The following PRND variants were observed in gnomAD, a reference collection of about 807,000 sequenced individuals.
PRND encodes the protein prion like protein doppel, also known as prion-like protein doppel.
For synonymous variants in PRND, 94 were observed against 93.2 expected, an observed-to-expected ratio of 1.01 and a Z score of -0.05; for missense variants, 227 against 223.3, an observed-to-expected ratio of 1.02 and a Z score of -0.11.
In PRND at chr20:4,726,197, T is replaced by A. The variant is rs960475507; in HGVS notation, c.*1115T>A. 6 of 162,056 alleles carry A rather than the reference T, an allele frequency of 3.7e-5. 1 individual carries two copies. Among genetic ancestry groups the A allele is most frequent in the Non-Finnish European group, 8.9e-5 (6 of 67,728 alleles). 10.0% of individuals were successfully genotyped at this position (162,056 alleles called of 1,614,324 possible). The stretch of plus-strand genomic sequence containing the variant: ...CTTGCTGTTCCCATCCCTGAAACAT[T>A]GCATGTATTTAAGAAAAACAAAATG... On this transcript the variant is annotated 3_prime_UTR_variant, in exon 2 of 2. Coordinates refer to ENST00000305817, the MANE Select transcript of PRND (RefSeq NM_012409.4).
chr20:4,725,084 C>T lies in PRND; in HGVS notation c.*2C>T. The T allele has an allele frequency of 1.2e-6, 2 of 1,612,466 alleles. No individual in the cohort carries two copies. The highest frequency in any genetic ancestry group is 1.3e-5 in the African/African-American group (1 of 74,974). On this transcript the variant is annotated 3_prime_UTR_variant, in exon 2 of 2. Transcript: ENST00000305817. ...TTGATCTGGCTCACGGTGAAATAAG[C>T]TTGCCAGGAGGCTGGCAGTACAGAG... is the stretch of plus-strand genomic sequence containing the variant.
chr20:4,723,938 A>ATGTGTG (rs78289429), intron 1 of PRND, among the ~76,000 whole-genome samples: 114 of 146,208 alleles, frequency 7.8e-4, no homozygotes, highest in East Asian at 4.3e-3. Flanking sequence ...TCTCTAAAAT[A>ATGTGTG]TGTGTGTGTG....
chr20:4,723,324 A>G (rs1445400285), intron 1 of PRND, among the ~76,000 whole-genome samples: 2 of 152,210 alleles, frequency 1.3e-5, no homozygotes, highest in Non-Finnish European at 2.9e-5. Context: ...TCTATGTGAG[A>G]ATTAAGTTAG....
chr20:4,724,039 TA>T lies in PRND; in HGVS notation c.-11-501del, dbSNP rs1314075437. Among the ~76,000 whole-genome samples the T allele has an allele frequency of 9.4e-6, 1 of 105,984 alleles. No individual in the cohort carries two copies. The allele number at this position is 105,984 out of a possible 152,430, so 69.5% of individuals were successfully genotyped here. ...GTGTATATATACATATATGTGTGTA[TA>T]TATGTATATATGTGTGTGTATATAC... On this transcript the variant is annotated intron_variant, in intron 1 of 1. Transcript: ENST00000305817. The surrounding 1 kb of genome is among the most constrained non-coding windows in gnomAD (Gnocchi z 4.8).
intron 1 of PRND, among the ~76,000 whole-genome samples, chr20:4,724,000 G>A (rs9679830): frequency 0.52 from 74,851 of 142,730 alleles, 19,394 homozygotes; most frequent in African/African-American, 0.64. Context: ...GTACATATAC[G>A]TATATATATA....
At chr20:4,723,160 G>T (rs1054603487) in intron 1 of PRND, among the ~76,000 whole-genome samples, 1 of 152,214 alleles carries the variant, frequency 6.6e-6, no homozygotes, top group Non-Finnish European at 1.5e-5. Context: ...ACCCAGATGG[G>T]CAGTGGGGCA....
chr20:4,723,974 GTA>G (rs1491347260), intron 1 of PRND, among the ~76,000 whole-genome samples: 4 of 145,556 alleles, frequency 2.7e-5, no homozygotes, highest in South Asian at 2.2e-4. Flanking sequence ...GTGTGTGTGT[GTA>G]TGTGTGTGTG....
Position 4,726,656 on chromosome 20 carries a change from C to T in PRND, c.*1574C>T, listed in dbSNP as rs1923279039. The T allele has an allele frequency of 6.0e-6, 1 of 167,128 alleles. No homozygotes were observed. The highest frequency in any genetic ancestry group is 2.4e-5 in the African/African-American group (1 of 41,468). 10.4% of individuals were successfully genotyped at this position (167,128 alleles called of 1,614,324 possible). Reference sequence around the variant, plus strand: ...GTTGTTGAACTATATTTGGAGAAAACAGCCACTGAATATTATCATTTCTCC... The same window carrying T: ...GTTGTTGAACTATATTTGGAGAAAATAGCCACTGAATATTATCATTTCTCC... On this transcript the variant is annotated 3_prime_UTR_variant, in exon 2 of 2. Coordinates refer to ENST00000305817, the MANE Select transcript of PRND (RefSeq NM_012409.4).
At position 4,725,200 on chromosome 20, in the gene PRND, C is replaced by T. The variant is rs574937254; in HGVS notation, c.*118C>T. The T allele has an allele frequency of 2.0e-5, 26 of 1,314,906 alleles. No homozygotes were observed. Among genetic ancestry groups the T allele is most frequent in the South Asian group, 1.8e-4 (13 of 73,412 alleles). The allele number at this position is 1,314,906 out of a possible 1,614,324, so 81.5% of individuals were successfully genotyped here. ...AGGTGCCCAGGAGCGGCGATGCACT[C>T]GCACTGCAAATGCCGCTCTCACGTA... On this transcript the variant is annotated 3_prime_UTR_variant, in exon 2 of 2. Coordinates refer to ENST00000305817, the MANE Select transcript of PRND (RefSeq NM_012409.4).
At position 4,725,155 on chromosome 20, in the gene PRND, C is replaced by G; in HGVS notation, c.*73C>G. The G allele has an allele frequency of 1.9e-6, 3 of 1,544,786 alleles. No individual in the cohort carries two copies. Among genetic ancestry groups the G allele is most frequent in the Non-Finnish European group, 2.6e-6 (3 of 1,141,788 alleles). ...GGCAAGTGACCCAGCTCTTCTCCCC[C>G]AAACCCACGCGTGTTCTGAAGGTGC... On this transcript the variant is annotated 3_prime_UTR_variant, in exon 2 of 2. Transcript: ENST00000305817.
At position 4,725,010 on chromosome 20, in the gene PRND, A is replaced by G. The variant is rs562797928; in HGVS notation, c.459A>G (p.Ala153=). 47 of 1,613,628 alleles carry G rather than the reference A, an allele frequency of 2.9e-5. No homozygotes were observed. The South Asian group carries it at 3.6e-4, about 12-fold the overall frequency. ...KHCEFWLERG[A]GLRVTMHQPV... Reference sequence around the variant, plus strand: ...GCGAGTTTTGGTTGGAGAGGGGCGCAGGACTTCGGGTCACCATGCACCAGC... The same window carrying G: ...GCGAGTTTTGGTTGGAGAGGGGCGCGGGACTTCGGGTCACCATGCACCAGC... Residue 153 remains alanine, a synonymous_variant, in exon 2 of 2, where the codon GCA becomes GCG. Coordinates refer to ENST00000305817, the MANE Select transcript of PRND (RefSeq NM_012409.4).
rs148228345 is a variant in PRND, at chr20:4,724,661, G to A, written c.110G>A (p.Arg37Gln). Residue 37 changes from arginine (R) to glutamine (Q), a missense_variant, in exon 2 of 2, where the codon CGG (arginine) becomes CAG (glutamine). Transcript: ENST00000305817. This position sits in a 1 kb window ranked among gnomAD's most constrained non-coding sequence, Gnocchi z 4.8. Reference sequence around the variant, plus strand: ...ATCAAGCACAGAATCAAGTGGAACCGGAAGGCCCTGCCCAGCACTGCCCAG... The same window carrying A: ...ATCAAGCACAGAATCAAGTGGAACCAGAAGGCCCTGCCCAGCACTGCCCAG... ...RGIKHRIKWN[R>Q]KALPSTAQIT... 122 of 1,614,164 alleles carry A rather than the reference G, an allele frequency of 7.6e-5. No homozygotes were observed. The highest frequency in any genetic ancestry group is 1.7e-4 in the Admixed American group (10 of 60,030).
In PRND at chr20:4,727,512, T is replaced by C. The variant is rs1411166500; in HGVS notation, c.*2430T>C. ...GGATATCGTCATTTTGCAGTGTGCA[T>C]AATTTTGCCAACCGTTGCTTTCGTA... On this transcript the variant is annotated 3_prime_UTR_variant, in exon 2 of 2. Transcript: ENST00000305817. 4.2e-5 allele frequency: 7 copies of C among 167,112 alleles called. No individual in the cohort carries two copies. The East Asian group carries it at 1.3e-3, about 32-fold the overall frequency. 10.4% of individuals were successfully genotyped at this position (167,112 alleles called of 1,614,324 possible).
chr20:4,724,719 G>A lies in PRND; in HGVS notation c.168G>A (p.Pro56=), dbSNP rs752823106. Residue 56 remains proline (P), a synonymous_variant, in exon 2 of 2, where the codon CCG becomes CCA. Coordinates refer to ENST00000305817, the MANE Select transcript of PRND (RefSeq NM_012409.4). This position sits in a 1 kb window ranked among gnomAD's most constrained non-coding sequence, Gnocchi z 4.8. ...ITEAQVAENR[P]GAFIKQGRKL... ...AGGCCCAGGTGGCTGAGAACCGCCCGGGAGCCTTCATCAAGCAAGGCCGCA... is the reference window on the plus strand; with the variant it reads ...AGGCCCAGGTGGCTGAGAACCGCCCAGGAGCCTTCATCAAGCAAGGCCGCA... The A allele has an allele frequency of 5.6e-6, 9 of 1,614,068 alleles. No homozygotes were observed. Among genetic ancestry groups the A allele is most frequent in the Admixed American group, 1.7e-5 (1 of 60,004 alleles).
intron 1 of PRND, among the ~76,000 whole-genome samples, chr20:4,723,938 A>G (rs1328776464): frequency 1.4e-5 from 2 of 146,212 alleles, no homozygotes; most frequent in East Asian, 2.0e-4. Flanking sequence ...TCTCTAAAAT[A>G]TGTGTGTGTG....
Position 4,724,557 on chromosome 20 carries a change from G to A in PRND, c.6G>A (p.Arg2=). Residue 2 remains arginine, a synonymous_variant, in exon 2 of 2, where the codon AGG becomes AGA. Coordinates refer to ENST00000305817, the MANE Select transcript of PRND (RefSeq NM_012409.4). The surrounding 1 kb of genome is among the most constrained non-coding windows in gnomAD (Gnocchi z 4.8). M[R]KHLSWWWLAT... The stretch of plus-strand genomic sequence containing the variant: ...CTCTGGCAGGTTCTGACGCGATGAG[G>A]AAGCACCTGAGCTGGTGGTGGCTGG... 6.2e-7 allele frequency: 1 copy of A among 1,613,986 alleles called. No homozygotes were observed. The highest frequency in any genetic ancestry group is 8.5e-7 in the Non-Finnish European group (1 of 1,180,046).
chr20:4,723,769 C>T (rs1159293272), intron 1 of PRND, among the ~76,000 whole-genome samples: 2 of 152,072 alleles, frequency 1.3e-5, no homozygotes, highest in South Asian at 4.2e-4. Flanking sequence ...GTTTCTACAA[C>T]ATGTATTTAA....
rs767905029 is a variant in PRND, at chr20:4,724,512, G to C, written c.-11-29G>C. ...GGGGAGCCCAGGCAGGCCTGGTGGG[G>C]AGCTGACCCACCGCCGTTTCTCTGG... On this transcript the variant is annotated intron_variant, in intron 1 of 1. Coordinates refer to ENST00000305817, the MANE Select transcript of PRND (RefSeq NM_012409.4). The surrounding 1 kb of genome is among the most constrained non-coding windows in gnomAD (Gnocchi z 4.8). 1 of 1,612,990 alleles carries C rather than the reference G, an allele frequency of 6.2e-7. No homozygotes were observed. The highest frequency in any genetic ancestry group is 1.3e-5 in the African/African-American group (1 of 74,932).
rs986344037 is a variant in PRND, at chr20:4,724,428, C to T, written c.-11-113C>T. 7 of 1,362,776 alleles carry T rather than the reference C, an allele frequency of 5.1e-6. No homozygotes were observed. The African/African-American group carries it at 1.0e-4, about 19-fold the overall frequency. The allele number at this position is 1,362,776 out of a possible 1,614,324, so 84.4% of individuals were successfully genotyped here. On this transcript the variant is annotated intron_variant, in intron 1 of 1. Coordinates refer to ENST00000305817, the MANE Select transcript of PRND (RefSeq NM_012409.4). The surrounding 1 kb of genome is among the most constrained non-coding windows in gnomAD (Gnocchi z 4.8). ...GGAAACAATTATGCTTTTGAGACCA[C>T]ATAAATAGCACAAGGATGCGATTCC...
Sources: allele counts gnomAD v4.1 joint callset (sites outside exome capture counted in the v4.1 genomes callset), GRCh38; gene constraint gnomAD v4.1.1; non-coding constraint Gnocchi (gnomAD v3.1); transcripts MANE v1.5; gene names NCBI Gene and HGNC (gene_info 2026-07-23, HGNC 2026-07-21).